The following CPEB3 variants were observed in gnomAD, a reference collection of about 807,000 sequenced individuals.
CPEB3 encodes the protein cytoplasmic polyadenylation element-binding protein 3.
Under a neutral mutation model 67.2 loss-of-function variants are expected in CPEB3, and 20 were observed. That is an observed-to-expected ratio of 0.30 (90% confidence interval 0.21 to 0.43). The LOEUF is 0.43. Ranked by LOEUF, CPEB3 falls within the 20% of genes least tolerant of loss-of-function variation. The pLI, the probability that CPEB3 is intolerant of heterozygous loss-of-function variation, is 1.00. For synonymous variants in CPEB3, 376 were observed against 393.1 expected (o/e 0.96, Z 0.51); for missense variants, 746 against 968.6 (o/e 0.77, Z 3.05).
At chr10:92,258,864 T>C (rs539939927) in intron 1 of CPEB3, among the ~76,000 whole-genome samples, 2 of 151,158 alleles carry the variant, frequency 1.3e-5, no homozygotes, top group Admixed American at 1.3e-4. Flanking sequence ...TTCACCATAT[T>C]AGCCAGGATG....
intron 2 of CPEB3, among the ~76,000 whole-genome samples, chr10:92,228,915 T>C (rs536709059): frequency 2.6e-5 from 4 of 152,016 alleles, no homozygotes; most frequent in South Asian, 2.1e-4. Flanking sequence ...GGTTTCATCA[T>C]GTTGGTCAGG....
intron 8 of CPEB3, among the ~76,000 whole-genome samples, chr10:92,082,264 CTTTG>C (rs59306760): frequency 0.29 from 43,661 of 150,722 alleles, 6,998 homozygotes; most frequent in African/African-American, 0.44. Flanking sequence ...CTAAATATGC[CTTTG>C]TTTGTTTGTT....
At chr10:92,216,919 C>T (rs1249876816) in intron 2 of CPEB3, 1 of 779,782 alleles carries the variant, frequency 1.3e-6, no homozygotes, top group African/African-American at 1.7e-5. Flanking sequence ...CGCCTTCTTA[C>T]CAGGCAGCTC....
At chr10:92,077,420 G>A (rs1241259604) in intron 9 of CPEB3, among the ~76,000 whole-genome samples, 1 of 152,146 alleles carries the variant, frequency 6.6e-6, no homozygotes, top group Non-Finnish European at 1.5e-5. Flanking sequence ...GTGAAAAAGA[G>A]CCCAACTCAA....
chr10:92,138,850 T>TAACACCTAGC (rs1281726036), intron 6 of CPEB3, among the ~76,000 whole-genome samples: 1 of 152,166 alleles, frequency 6.6e-6, no homozygotes, highest in Non-Finnish European at 1.5e-5. Flanking sequence ...CTGCTAGGTA[T>TAACACCTAGC]ATATAACCAA....
At chr10:92,063,542 A>C (rs1036763155) in intron 9 of CPEB3, among the ~76,000 whole-genome samples, 5 of 152,208 alleles carry the variant, frequency 3.3e-5, no homozygotes, top group African/African-American at 4.8e-5. Flanking sequence ...AGGCAGGCAG[A>C]TCATGAGGTC....
intron 4 of CPEB3, among the ~76,000 whole-genome samples, chr10:92,164,061 T>A (rs1423680834): frequency 1.3e-5 from 2 of 152,228 alleles, no homozygotes; most frequent in African/African-American, 4.8e-5. Flanking sequence ...ATTACTGGGA[T>A]ATTTTATAAA....
chr10:92,123,664 G>T (rs937352469), intron 6 of CPEB3, among the ~76,000 whole-genome samples: 2 of 152,186 alleles, frequency 1.3e-5, no homozygotes, highest in Non-Finnish European at 2.9e-5. Flanking sequence ...TTTCAATCCA[G>T]GTGATGCTCT....
chr10:92,199,903 G>A (rs958611134), intron 2 of CPEB3, among the ~76,000 whole-genome samples: 2 of 151,760 alleles, frequency 1.3e-5, no homozygotes, highest in Middle Eastern at 3.2e-3. Flanking sequence ...CACAGAGAGA[G>A]AGAGAGAGAG....
At chr10:92,054,008 T>C (rs1000405168) in intron 9 of CPEB3, among the ~76,000 whole-genome samples, 1 of 152,204 alleles carries the variant, frequency 6.6e-6, no homozygotes, top group African/African-American at 2.4e-5. Context: ...TATTGTGGTT[T>C]TGATTTGCAT....
chr10:92,174,600 A>G (rs924236261), intron 4 of CPEB3, among the ~76,000 whole-genome samples: 6 of 152,214 alleles, frequency 3.9e-5, no homozygotes, highest in African/African-American at 1.4e-4. Context: ...AAGAAGAAAG[A>G]TATCAAAAGT....
intron 6 of CPEB3, among the ~76,000 whole-genome samples, chr10:92,112,126 C>CTTTTTTTT (rs201432910): frequency 1.3e-4 from 16 of 122,060 alleles, no homozygotes; most frequent in African/African-American, 1.7e-4. Flanking sequence ...GACCACGTTC[C>CTTTTTTTT]TTTTTTTTTT....
chr10:92,215,156 T>TG (rs1211190113), intron 2 of CPEB3, among the ~76,000 whole-genome samples: 1 of 151,318 alleles, frequency 6.6e-6, no homozygotes, highest in African/African-American at 2.4e-5. Flanking sequence ...CCAAGATTTT[T>TG]TTTTTTTTTT....
intron 4 of CPEB3, among the ~76,000 whole-genome samples, chr10:92,147,933 G>A (rs1249919388): frequency 1.3e-5 from 2 of 152,014 alleles, no homozygotes; most frequent in Non-Finnish European, 2.9e-5. Flanking sequence ...CAGAAACCTA[G>A]AAATCATCCT....
chr10:92,089,320 A>G (rs74575502), intron 8 of CPEB3, among the ~76,000 whole-genome samples: 19 of 152,310 alleles, frequency 1.2e-4, no homozygotes, highest in African/African-American at 4.6e-4. Flanking sequence ...GATGAATGGT[A>G]AAATTCTAAG....
rs572987235 is a variant in CPEB3 at position 92,148,341 on chromosome 10, T to C, written c.1223-3256A>G. 2.6e-5 allele frequency among the ~76,000 whole-genome samples: 4 copies of C among 152,316 alleles called. No homozygotes were observed. In the South Asian group the frequency reaches 6.2e-4, roughly 24 times the overall value. ...ATAAGGACAATGTGTTCCCTCTACC[T>C]AAAACAAACATACCCTTTTCAACTC... On this transcript the variant is annotated intron_variant, in intron 4 of 9. Coordinates refer to ENST00000265997, the MANE Select transcript of CPEB3 (RefSeq NM_014912.5).
intron 2 of CPEB3, among the ~76,000 whole-genome samples, chr10:92,214,312 C>T (rs752664139): frequency 6.6e-6 from 1 of 152,154 alleles, no homozygotes; most frequent in Admixed American, 6.6e-5. Context: ...AATGCACCAA[C>T]AAGGCACTAT....
intron 1 of CPEB3, among the ~76,000 whole-genome samples, chr10:92,264,722 A>T (rs1448554752): frequency 6.6e-6 from 1 of 152,016 alleles, no homozygotes; most frequent in Non-Finnish European, 1.5e-5. Flanking sequence ...TCTCAAAAAA[A>T]AAAAAAAAAA....
At chr10:92,179,405 T>C (rs7071217) in intron 4 of CPEB3, among the ~76,000 whole-genome samples, 18,549 of 152,218 alleles carry the variant, frequency 0.12, 1,351 homozygotes, top group Middle Eastern at 0.2. Flanking sequence ...ATCATGTCAA[T>C]TAGGTCTTTT....
Sources: allele counts gnomAD v4.1 joint callset (sites outside exome capture counted in the v4.1 genomes callset), GRCh38; gene constraint gnomAD v4.1.1; transcripts MANE v1.5; gene names NCBI Gene and HGNC (gene_info 2026-07-23, HGNC 2026-07-21).